BCCIP: variants seen among roughly 807,000 people sequenced by gnomAD.
The protein encoded by BCCIP is BRCA2 and CDKN1A-interacting protein.
In BCCIP, 23 loss-of-function variants were observed where a neutral mutation model predicts 32.8. The observed-to-expected ratio is 0.70, with a 90% confidence interval of 0.51 to 0.99. BCCIP has a LOEUF of 0.99. BCCIP is among the 50% of genes least tolerant of loss of function. The probability of loss-of-function intolerance (pLI) is 0.00; values close to 1 mark genes in which losing one functional copy is unlikely to be tolerated. For missense variants in BCCIP, 378 were observed against 379.8 expected (o/e 1.00, Z 0.04); for synonymous variants, 144 against 137.6 (o/e 1.05, Z -0.33).
At chr10:125,850,131 CATTAAAAAAA>C (rs1234531124) in intron 7 of BCCIP, among the ~76,000 whole-genome samples, 2 of 119,290 alleles carry the variant, frequency 1.7e-5, no homozygotes, top group African/African-American at 7.0e-5. Flanking sequence ...ACACCTGGCT[CATTAAAAAAA>C]AAAAAAAAAA....
chr10:125,824,979 A>G (rs1429035640), intron 1 of BCCIP, among the ~76,000 whole-genome samples: 1 of 152,286 alleles, frequency 6.6e-6, no homozygotes, highest in East Asian at 1.9e-4. Flanking sequence ...AGGTGACACC[A>G]TGGTGTGGGT....
Position 125,833,836 on chromosome 10 carries a change from AT to A in BCCIP, c.666del (p.Ser223ValfsTer24). The A allele has an allele frequency of 6.2e-7, 1 of 1,614,234 alleles. No homozygotes were observed. The highest frequency in any genetic ancestry group is 1.7e-5 in the Admixed American group (1 of 60,028). On this transcript the variant is annotated frameshift_variant, in exon 6 of 7. Coordinates refer to ENST00000278100, the MANE Select transcript of BCCIP (RefSeq NM_078468.3). LOFTEE classifies it high-confidence loss of function. The stretch of plus-strand genomic sequence containing the variant: ...TGGGAAGTGCTACTTTTACCTTCTG[AT>A]TAGTAAGACATTTGTGGAAGCAGGA... ...PCGKCYFYLL[I>X]SKTFVEAGKN...
chr10:125,839,713 A>C (rs186300276), downstream of BCCIP, among the ~76,000 whole-genome samples: 5 of 152,212 alleles, frequency 3.3e-5, no homozygotes, highest in Non-Finnish European at 4.4e-5. Context: ...AAGCTCATCT[A>C]TCTACCCTAG....
chr10:125,831,829 AT>A (rs1421128732), intron 5 of BCCIP, among the ~76,000 whole-genome samples: 1 of 152,198 alleles, frequency 6.6e-6, no homozygotes, highest in African/African-American at 2.4e-5. Context: ...TTAACTTAAG[AT>A]TTAAGTGATA....
chr10:125,841,182 T>C (rs1181304594), downstream of BCCIP: 2 of 1,431,710 alleles, frequency 1.4e-6, no homozygotes, highest in East Asian at 4.8e-5. Context: ...ATTCTCCCTC[T>C]CCTTTTGTGT....
chr10:125,831,581 C>T lies in BCCIP; in HGVS notation c.573C>T (p.Ile191=), dbSNP rs143179971. ...GATTCATTAATGTCCCTCCACAGAT[C>T]GCTCTGCCCATGTACCAGCAGCTTC... is the stretch of plus-strand genomic sequence containing the variant. ...SERFINVPPQ[I]ALPMYQQLQK... is the part of the protein sequence containing the mutation. The change falls in exon 5 of 7, where the codon ATC becomes ATT. Residue 191 remains isoleucine, a synonymous_variant. Transcript: ENST00000278100. 1.9e-5 allele frequency: 31 copies of T among 1,613,634 alleles called. No homozygotes were observed. Among genetic ancestry groups the T allele is most frequent in the South Asian group, 1.6e-4 (15 of 91,018 alleles).
chr10:125,839,004 C>G (rs755958826), downstream of BCCIP: 1 of 1,613,598 alleles, frequency 6.2e-7, no homozygotes, highest in Non-Finnish European at 8.5e-7. Flanking sequence ...TTCTCACCTG[C>G]ATAAAGTAAC....
intron 5 of BCCIP, among the ~76,000 whole-genome samples, 199 bp from the exon 6 acceptor site, chr10:125,833,573 T>C (rs1404174771): frequency 1.3e-5 from 2 of 152,214 alleles, no homozygotes; most frequent in Non-Finnish European, 2.9e-5. Flanking sequence ...TATCATAGTA[T>C]TATAAAAAGT....
chr10:125,852,179 G>A lies in BCCIP; in HGVS notation c.851-946G>A, dbSNP rs1385040426. 2.0e-5 allele frequency: 26 copies of A among 1,321,686 alleles called. 1 individual carries two copies. In the South Asian group the frequency reaches 2.7e-4, roughly 14 times the overall value. The allele number at this position is 1,321,686 out of a possible 1,614,324, so 81.9% of individuals were successfully genotyped here. On this transcript the variant is annotated intron_variant, in intron 7 of 7. Transcript: ENST00000368759. ...GGAAAATGCTTCAGTCCAAACCAAC[G>A]CCCCCTCCATGCTTGTGTGCATTGC...
Position 125,831,526 on chromosome 10 carries a change from C to T in BCCIP, c.518C>T (p.Thr173Ile). ...CTGGACAAGTTTTTAAATGACACCA[C>T]CAAGCCTGTGGGCCTTCTCCTAAGT... ...EQLDKFLNDT[T>I]KPVGLLLSER... Residue 173 changes from threonine to isoleucine, a missense_variant, in exon 5 of 7, where the codon ACC becomes ATC. Thr to Ile is a moderately conservative substitution (Grantham distance 89). Coordinates refer to ENST00000278100, the MANE Select transcript of BCCIP (RefSeq NM_078468.3). The T allele has an allele frequency of 1.9e-6, 3 of 1,614,218 alleles. No individual in the cohort carries two copies. Among genetic ancestry groups the T allele is most frequent in the East Asian group, 2.2e-5 (1 of 44,884 alleles).
intron 1 of BCCIP, chr10:125,825,458 C>G (rs1296150466): frequency 6.6e-6 from 1 of 152,200 alleles, no homozygotes; most frequent in Non-Finnish European, 1.5e-5. Flanking sequence ...CTGTTTGGAA[C>G]ACTCCCACCC....
chr10:125,840,982 A>G, downstream of BCCIP: 1 of 1,600,636 alleles, frequency 6.2e-7, no homozygotes, highest in Non-Finnish European at 8.5e-7. Flanking sequence ...GGCACATGTG[A>G]AAAGCAATTT....
intron 1 of BCCIP, among the ~76,000 whole-genome samples, chr10:125,824,151 T>C (rs1253565988): frequency 6.6e-6 from 1 of 152,196 alleles, no homozygotes; most frequent in East Asian, 1.9e-4. Flanking sequence ...CGTTCTACCG[T>C]AGAAGCCTTT....
At chr10:125,851,642 AAT>A (rs1408658766) in intron 7 of BCCIP, among the ~76,000 whole-genome samples, 1 of 152,188 alleles carries the variant, frequency 6.6e-6, no homozygotes, top group Non-Finnish European at 1.5e-5. Flanking sequence ...AGGAGACTAG[AAT>A]ATGCCACCCC....
downstream of BCCIP, chr10:125,841,353 A>G: frequency 1.9e-6 from 3 of 1,614,138 alleles, no homozygotes; most frequent in Non-Finnish European, 8.5e-7. Context: ...CCCCAGTATT[A>G]GAATAAATTA....
Position 125,830,582 on chromosome 10 carries a change from C to T in BCCIP, c.342C>T (p.Asp114=). The change falls in exon 4 of 7, where the codon GAC becomes GAT. Residue 114 remains aspartate, a synonymous_variant. Coordinates refer to ENST00000278100, the MANE Select transcript of BCCIP (RefSeq NM_078468.3). ...AATAGCAAACGGATGTTTCAGAAGA[C>T]AGCAATGATGATATGGATGAAGATG... The part of the protein sequence containing the change: ...SVIKQTDVSE[D]SNDDMDEDEV... The T allele has an allele frequency of 1.2e-6, 2 of 1,600,786 alleles. No individual in the cohort carries two copies. Among genetic ancestry groups the T allele is most frequent in the Non-Finnish European group, 1.7e-6 (2 of 1,173,106 alleles).
chr10:125,847,992 T>C (rs1218154587), intron 7 of BCCIP, among the ~76,000 whole-genome samples: 1 of 152,204 alleles, frequency 6.6e-6, no homozygotes, highest in Admixed American at 6.5e-5. Context: ...CTGGTACCCA[T>C]CACTGCCTAG....
intron 7 of BCCIP, among the ~76,000 whole-genome samples, chr10:125,849,535 T>G (rs1445698725): frequency 1.3e-5 from 2 of 152,200 alleles, no homozygotes; most frequent in African/African-American, 4.8e-5. Context: ...CAGATAATAG[T>G]GTAACCTTCA....
At chr10:125,846,518 G>A (rs2134035364), downstream of BCCIP, among the ~76,000 whole-genome samples, 1 of 152,306 alleles carries the variant, frequency 6.6e-6, no homozygotes, top group East Asian at 1.9e-4. Flanking sequence ...GCACTGGCAA[G>A]GCTCTGGGGC....
Sources: gnomAD v4.1 joint callset for allele counts (sites outside exome capture counted in the v4.1 genomes callset) on GRCh38, gnomAD v4.1.1 for gene constraint, MANE v1.5 for transcripts, NCBI Gene and HGNC (gene_info 2026-07-23, HGNC 2026-07-21) for gene names.